Variants in MED27 observed in about 807,000 individuals in gnomAD.
MED27 encodes the protein mediator complex subunit 27, also known as mediator of RNA polymerase II transcription subunit 27.
Under a neutral mutation model 38.2 loss-of-function variants are expected in MED27, and 30 were observed. The ratio of observed to expected loss-of-function variants is 0.79; its 90% CI spans 0.59 to 1.07. The LOEUF (loss-of-function observed/expected upper bound fraction) is 1.07, where lower values mean the gene tolerates loss of function less well. Among genes scored for constraint, MED27 ranks in the 50% least tolerant of loss-of-function variants. The pLI is 0.00. For synonymous variants in MED27, 122 were observed against 153.5 expected (o/e 0.79, Z 1.52); for missense variants, 289 against 397.5 (o/e 0.73, Z 2.32).
intron 3 of MED27, among the ~76,000 whole-genome samples, chr9:131,955,507 G>C (rs764336068): frequency 6.6e-6 from 1 of 152,116 alleles, no homozygotes; most frequent in Non-Finnish European, 1.5e-5. Context: ...CTGAGAAGTC[G>C]CTAGTTAGAC....
intron 3 of MED27, among the ~76,000 whole-genome samples, chr9:131,956,446 T>C (rs1258739351): frequency 6.6e-6 from 1 of 152,012 alleles, no homozygotes; most frequent in Non-Finnish European, 1.5e-5. Context: ...CGAAACCCCA[T>C]CTCTACTAAA....
At chr9:131,879,075 GA>G (rs1157188109) in intron 6 of MED27, among the ~76,000 whole-genome samples, 4 of 152,256 alleles carry the variant, frequency 2.6e-5, no homozygotes, top group Non-Finnish European at 5.9e-5. Flanking sequence ...AACATCTGCA[GA>G]CAAAAGGAAG....
At chr9:131,887,138 T>C (rs979295205) in intron 5 of MED27, among the ~76,000 whole-genome samples, 5 of 152,154 alleles carry the variant, frequency 3.3e-5, no homozygotes, top group Non-Finnish European at 7.3e-5. Flanking sequence ...TAAAAAGTTA[T>C]AGTTTTTATT....
At chr9:131,944,554 G>C (rs1390108484) in intron 3 of MED27, among the ~76,000 whole-genome samples, 1 of 146,912 alleles carries the variant, frequency 6.8e-6, no homozygotes, top group Non-Finnish European at 1.5e-5. Context: ...TTGAGATGGA[G>C]TCTCGCTCTG....
At chr9:132,076,785 G>A (rs1046597053) in intron 2 of MED27, among the ~76,000 whole-genome samples, 6 of 152,138 alleles carry the variant, frequency 3.9e-5, no homozygotes, top group South Asian at 2.1e-4. Flanking sequence ...GTAAACAAAC[G>A]AACCGTTTCC....
intron 3 of MED27, among the ~76,000 whole-genome samples, chr9:131,952,470 C>T (rs1320226191): frequency 2.6e-5 from 4 of 152,154 alleles, no homozygotes; most frequent in Non-Finnish European, 5.9e-5. Context: ...ACCCCCTGCC[C>T]CACTACCTTA....
intron 2 of MED27, among the ~76,000 whole-genome samples, chr9:132,054,405 C>T (rs1051788566): frequency 2.0e-5 from 3 of 152,202 alleles, no homozygotes; most frequent in African/African-American, 7.2e-5. Flanking sequence ...GCCTGCAGAA[C>T]GGTGAACCAA....
At chr9:132,027,283 G>A (rs1382350730) in intron 2 of MED27, among the ~76,000 whole-genome samples, 7 of 152,314 alleles carry the variant, frequency 4.6e-5, no homozygotes, top group East Asian at 3.9e-4. Context: ...CGCAGGAGCC[G>A]TGTCCACAAC....
intron 2 of MED27, among the ~76,000 whole-genome samples, chr9:132,027,334 A>G (rs1832846670): frequency 6.6e-6 from 1 of 152,194 alleles, no homozygotes; most frequent in Admixed American, 6.5e-5. Flanking sequence ...CCGCAGCCCA[A>G]CTGCTCCAGC....
intron 4 of MED27, among the ~76,000 whole-genome samples, chr9:131,912,365 G>A (rs1310808233): frequency 6.6e-6 from 1 of 152,140 alleles, no homozygotes; most frequent in Admixed American, 6.5e-5. Flanking sequence ...AGTGTTCCAA[G>A]AAACCCACTT....
At chr9:131,948,530 TAACAC>T (rs1488230964) in intron 3 of MED27, among the ~76,000 whole-genome samples, 2 of 148,312 alleles carry the variant, frequency 1.3e-5, no homozygotes, top group Non-Finnish European at 3.0e-5. Context: ...AACCAAAACA[TAACAC>T]CAACCAACCA....
chr9:131,929,225 T>C (rs1467324592), intron 4 of MED27, among the ~76,000 whole-genome samples: 1 of 152,092 alleles, frequency 6.6e-6, no homozygotes, highest in South Asian at 2.1e-4. Flanking sequence ...GACACCCAGG[T>C]GGTATGCCGT....
chr9:132,071,408 G>A (rs934076915), intron 2 of MED27, among the ~76,000 whole-genome samples: 2 of 150,566 alleles, frequency 1.3e-5, no homozygotes, highest in African/African-American at 2.4e-5. Context: ...CCCCATGAAC[G>A]AGCACACACA....
chr9:132,016,689 G>A (rs1166920840), intron 2 of MED27, among the ~76,000 whole-genome samples: 2 of 152,152 alleles, frequency 1.3e-5, no homozygotes, highest in Non-Finnish European at 2.9e-5. Flanking sequence ...TCAAGGAATC[G>A]ACTCTCCTTT....
At chr9:132,035,883 T>C (rs1833064526) in intron 2 of MED27, among the ~76,000 whole-genome samples, 1 of 152,026 alleles carries the variant, frequency 6.6e-6, no homozygotes, top group South Asian at 2.1e-4. Context: ...AAGGATCACT[T>C]GAGCCCAGGA....
chr9:131,978,426 A>T (rs1213128641), intron 3 of MED27, among the ~76,000 whole-genome samples: 1 of 152,246 alleles, frequency 6.6e-6, no homozygotes, highest in Non-Finnish European at 1.5e-5. Flanking sequence ...TAGACAGCTG[A>T]CATTACAGAA....
rs1831754666 is a variant in MED27 at position 131,982,375 on chromosome 9, C to T, written c.479+31962G>A. ...AAGAGAATCAGCTCCCAACCAACCA[C>T]ACAACTGAATACAACTCCCTGAATG... On this transcript the variant is annotated intron_variant, in intron 3 of 7. Transcript: ENST00000292035. The surrounding 1 kb of genome is among the most constrained non-coding windows in gnomAD (Gnocchi z 4.3). 1.3e-5 allele frequency among the ~76,000 whole-genome samples: 2 copies of T among 152,194 alleles called. No homozygotes were observed. The highest frequency in any genetic ancestry group is 1.3e-4 in the Admixed American group (2 of 15,278).
rs144844520 is a variant in MED27, at chr9:131,976,257, C to T, written c.480-36783G>A. On this transcript the variant is annotated intron_variant, in intron 3 of 7. Transcript: ENST00000292035. ...GTCAGGTGAGCCCAAGGTCACCTGG[C>T]TAAATCAAGAAAGCCCAGAATGAAC... Among the ~76,000 whole-genome samples the T allele has an allele frequency of 1.3e-3, 195 of 152,214 alleles. 1 individual carries two copies. The highest frequency in any genetic ancestry group is 6.8e-3 in the Middle Eastern group (2 of 294).
intron 2 of MED27, among the ~76,000 whole-genome samples, chr9:132,021,186 T>C (rs933387444): frequency 2.0e-5 from 3 of 152,250 alleles, no homozygotes; most frequent in Non-Finnish European, 4.4e-5. Context: ...CTTTCTTAAA[T>C]ATCTGTAATG....
Sources: allele counts gnomAD v4.1 joint callset (sites outside exome capture counted in the v4.1 genomes callset), GRCh38; gene constraint gnomAD v4.1.1; non-coding constraint Gnocchi (gnomAD v3.1); transcripts MANE v1.5; gene names NCBI Gene and HGNC (gene_info 2026-07-23, HGNC 2026-07-21).